KIF26B: variants seen among roughly 807,000 people sequenced by gnomAD.
KIF26B encodes the protein kinesin family member 26B.
A neutral mutation model predicts 151.2 loss-of-function variants in KIF26B; 63 were observed. That is an observed-to-expected ratio of 0.42 (90% confidence interval 0.34 to 0.51). KIF26B has a LOEUF of 0.51. Ranked by LOEUF, KIF26B falls within the 20% of genes least tolerant of loss-of-function variation. The probability of loss-of-function intolerance (pLI) is 0.07; values close to 1 mark genes in which losing one functional copy is unlikely to be tolerated. For synonymous variants in KIF26B, 1,357 were observed against 1,262.1 expected (o/e 1.08, Z -1.59); for missense variants, 2,813 against 2,913.6 (o/e 0.97, Z 0.79).
At chr1:245,316,095 A>C (rs1030518307) in intron 2 of KIF26B, among the ~76,000 whole-genome samples, 2 of 151,996 alleles carry the variant, frequency 1.3e-5, no homozygotes, top group African/African-American at 4.8e-5. Context: ...CACTGCAAGG[A>C]AAATTGCTGA....
chr1:245,566,193 C>A (rs1193418410), intron 5 of KIF26B, among the ~76,000 whole-genome samples: 2 of 152,206 alleles, frequency 1.3e-5, no homozygotes, highest in African/African-American at 2.4e-5. Flanking sequence ...ATAGTTAGTG[C>A]ATGCCAGATG....
intron 2 of KIF26B, among the ~76,000 whole-genome samples, chr1:245,293,639 C>T (rs868412325): frequency 2.7e-5 from 4 of 149,412 alleles, no homozygotes; most frequent in Non-Finnish European, 4.4e-5. Flanking sequence ...AGTGCAATGG[C>T]GCAATCTCCA....
intron 4 of KIF26B, among the ~76,000 whole-genome samples, chr1:245,539,806 C>T (rs541364593): frequency 1.3e-5 from 2 of 152,134 alleles, no homozygotes; most frequent in Non-Finnish European, 2.9e-5. Flanking sequence ...GCATGCACCA[C>T]CACACCCGGC....
intron 5 of KIF26B, among the ~76,000 whole-genome samples, chr1:245,567,406 C>CA (rs1251127316): frequency 6.6e-6 from 1 of 152,168 alleles, no homozygotes; most frequent in East Asian, 1.9e-4. Context: ...CCCACCTTCC[C>CA]AAACAGTGGG....
intron 4 of KIF26B, among the ~76,000 whole-genome samples, chr1:245,423,308 T>C (rs1658538511): frequency 6.6e-6 from 1 of 152,134 alleles, no homozygotes; most frequent in African/African-American, 2.4e-5. Flanking sequence ...AGGCAGAGCC[T>C]ACCATTTTCT....
rs141415814 is a variant in KIF26B at position 245,606,927 on chromosome 1, A to G, written c.1558-724A>G. On this transcript the variant is annotated intron_variant, in intron 6 of 14. Transcript: ENST00000407071. The surrounding 1 kb of genome is among the most constrained non-coding windows in gnomAD (Gnocchi z 4.6). ...AAAAAATGCAAAAAATTAGCCAGGC[A>G]TGGTGGCACATGCCTGTAATCCCAG... Among the ~76,000 whole-genome samples the G allele has an allele frequency of 6.6e-5, 10 of 152,050 alleles. No individual in the cohort carries two copies. The East Asian group carries it at 1.9e-3, about 30-fold the overall frequency.
intron 10 of KIF26B, among the ~76,000 whole-genome samples, chr1:245,661,672 A>AAT (rs150604949): frequency 7.4e-5 from 11 of 147,868 alleles, no homozygotes; most frequent in Non-Finnish European, 8.9e-5. Context: ...ACACACACTC[A>AAT]ATATATATAT....
intron 3 of KIF26B, among the ~76,000 whole-genome samples, chr1:245,399,524 T>A (rs6680667): frequency 8.6e-4 from 131 of 152,358 alleles, no homozygotes; most frequent in African/African-American, 3.1e-3. Flanking sequence ...CCCTTCATCC[T>A]TGAGGAGGAA....
chr1:245,259,565 T>C (rs1670596204), intron 2 of KIF26B, among the ~76,000 whole-genome samples: 1 of 152,144 alleles, frequency 6.6e-6, no homozygotes, highest in Admixed American at 6.5e-5. Flanking sequence ...AAAAGCAAAC[T>C]TCACCCACTG....
In KIF26B at chr1:245,661,596, T is replaced by C. The variant is rs569147647; in HGVS notation, c.2258+15316T>C. ...TATATACACACCCCCAATATATATA[T>C]ACACCCAATGATATATATATACACA... On this transcript the variant is annotated intron_variant, in intron 10 of 14. Transcript: ENST00000407071. Among the ~76,000 whole-genome samples, 335 of 151,168 alleles carry C rather than the reference T, an allele frequency of 2.2e-3. 1 individual carries two copies. The highest frequency in any genetic ancestry group is 6.9e-3 in the Middle Eastern group (2 of 290).
chr1:245,437,126 A>C (rs912165708), intron 4 of KIF26B, among the ~76,000 whole-genome samples: 2 of 152,094 alleles, frequency 1.3e-5, no homozygotes, highest in African/African-American at 4.8e-5. Context: ...GCCTCAAGTG[A>C]TCTGCCAGCC....
intron 4 of KIF26B, among the ~76,000 whole-genome samples, chr1:245,474,475 G>C (rs1172295999): frequency 6.8e-6 from 1 of 146,480 alleles, no homozygotes; most frequent in Non-Finnish European, 1.5e-5. Flanking sequence ...GCAATGGTGC[G>C]ATCTTGGCTC....
intron 4 of KIF26B, among the ~76,000 whole-genome samples, chr1:245,528,901 T>C (rs1206969603): frequency 6.6e-6 from 1 of 152,226 alleles, no homozygotes; most frequent in Admixed American, 6.5e-5. Context: ...AGGCAGTATC[T>C]GGGTCTGACT....
At chr1:245,186,372 C>T (rs768812532) in intron 2 of KIF26B, among the ~76,000 whole-genome samples, 5 of 152,172 alleles carry the variant, frequency 3.3e-5, no homozygotes, top group African/African-American at 9.7e-5. Context: ...ATGTTGTCTG[C>T]GAGCACCTTA....
At chr1:245,425,187 C>T (rs531852474) in intron 4 of KIF26B, among the ~76,000 whole-genome samples, 1 of 151,740 alleles carries the variant, frequency 6.6e-6, no homozygotes, top group Admixed American at 6.6e-5. Flanking sequence ...ATGTACTTTA[C>T]CTTATAAAGT....
intron 6 of KIF26B, 46 bp from the exon 7 acceptor site, chr1:245,607,605 G>A (rs369103848): frequency 9.2e-5 from 138 of 1,495,526 alleles, no homozygotes; most frequent in Middle Eastern, 3.5e-4. Context: ...TGGTGTCTCC[G>A]CTGCGAGGTC....
intron 4 of KIF26B, among the ~76,000 whole-genome samples, chr1:245,487,525 A>G (rs1382020609): frequency 6.6e-6 from 1 of 152,164 alleles, no homozygotes; most frequent in Non-Finnish European, 1.5e-5. Flanking sequence ...CTGGCTACAT[A>G]CTTACCCTTT....
intron 10 of KIF26B, among the ~76,000 whole-genome samples, chr1:245,679,461 T>G (rs1278886086): frequency 0.068 from 6,868 of 100,398 alleles, 597 homozygotes; most frequent in Non-Finnish European, 0.083. Flanking sequence ...GTGTGTGTTT[T>G]TTTTTTTTTT....
intron 4 of KIF26B, among the ~76,000 whole-genome samples, chr1:245,463,704 C>A (rs1659704101): frequency 6.6e-6 from 1 of 152,168 alleles, no homozygotes. Context: ...ATCTCCAGGG[C>A]CACCAAAGCC....
Sources: gnomAD v4.1 joint callset for allele counts (sites outside exome capture counted in the v4.1 genomes callset) on GRCh38, gnomAD v4.1.1 for gene constraint, Gnocchi (gnomAD v3.1) non-coding constraint, MANE v1.5 for transcripts, NCBI Gene and HGNC (gene_info 2026-07-23, HGNC 2026-07-21) for gene names.